VPS13B: variants seen among roughly 807,000 people sequenced by gnomAD.
VPS13B encodes intermembrane lipid transfer protein VPS13B.
VPS13B carries 285 observed loss-of-function variants against 426.4 expected under a neutral mutation model. That is an observed-to-expected ratio of 0.67 (90% confidence interval 0.61 to 0.74). The LOEUF is 0.74. VPS13B is among the 30% of genes least tolerant of loss of function. The probability of loss-of-function intolerance (pLI) is 0.00; values close to 1 mark genes in which losing one functional copy is unlikely to be tolerated. For missense variants in VPS13B, 4,537 were observed against 4,782.6 expected, an observed-to-expected ratio of 0.95 and a Z score of 1.51; for synonymous variants, 1,676 against 1,676.4, an observed-to-expected ratio of 1.00 and a Z score of 0.01.
intron 35 of VPS13B, among the ~76,000 whole-genome samples, chr8:99,663,198 G>T (rs944647392): frequency 2.0e-5 from 3 of 152,188 alleles, no homozygotes; most frequent in Non-Finnish European, 4.4e-5. Context: ...GCGTGCTAGT[G>T]TACTTATGAT....
At chr8:99,421,547 G>A (rs1304537415) in intron 21 of VPS13B, among the ~76,000 whole-genome samples, 1 of 152,122 alleles carries the variant, frequency 6.6e-6, no homozygotes, top group East Asian at 1.9e-4. Context: ...TTACATCCTT[G>A]TTTTGCCACT....
chr8:99,086,462 CAA>C (rs1845809473), intron 3 of VPS13B, among the ~76,000 whole-genome samples: 1 of 152,182 alleles, frequency 6.6e-6, no homozygotes, highest in African/African-American at 2.4e-5. Flanking sequence ...CTCAAATCGT[CAA>C]AGTCATTGTC....
chr8:99,557,034 T>C (rs993126944), intron 31 of VPS13B, among the ~76,000 whole-genome samples: 1 of 152,178 alleles, frequency 6.6e-6, no homozygotes, highest in African/African-American at 2.4e-5. Flanking sequence ...ATGAATACTC[T>C]GCAAAGTTAT....
intron 17 of VPS13B, chr8:99,233,373 G>T (rs1359930739): frequency 4.7e-6 from 5 of 1,068,270 alleles, no homozygotes; most frequent in Non-Finnish European, 5.8e-6. Context: ...GTTTCCCGAA[G>T]ATCCGTCCCT....
rs576742825 is a variant in VPS13B, at chr8:99,328,386, G to A, written c.2824+53132G>A. 2.0e-5 allele frequency among the ~76,000 whole-genome samples: 3 copies of A among 152,224 alleles called. No individual in the cohort carries two copies. In the South Asian group the frequency reaches 6.2e-4, roughly 32 times the overall value. On this transcript the variant is annotated intron_variant, in intron 19 of 61. Transcript: ENST00000357162. ...TGTGGGAGTTTTAAAAAAATTCTGT[G>A]GGAACTATTACTTTTGTGTTTGGTG...
Position 99,478,489 on chromosome 8 carries a change from C to T in VPS13B, c.3667-3110C>T, listed in dbSNP as rs191510243. On this transcript the variant is annotated intron_variant, in intron 24 of 61. Coordinates refer to ENST00000357162, the MANE Select transcript of VPS13B (RefSeq NM_152564.5). Reference sequence around the variant, plus strand: ...TTGTTTTTTGTTTTTTTTTTTTTGCCGAGGCAGGTGTGCAATGGTGTGGTC... The same window carrying T: ...TTGTTTTTTGTTTTTTTTTTTTTGCTGAGGCAGGTGTGCAATGGTGTGGTC... Among the ~76,000 whole-genome samples the T allele has an allele frequency of 5.8e-3, 704 of 122,172 alleles. 5 individuals carry two copies. Among genetic ancestry groups the T allele is most frequent in the Non-Finnish European group, 7.4e-3 (453 of 61,022 alleles). 80.1% of individuals were successfully genotyped at this position (122,172 alleles called of 152,430 possible). A position where few individuals can be genotyped will look rare whatever the true frequency, so the allele number is the denominator to read the frequency against.
intron 16 of VPS13B, among the ~76,000 whole-genome samples, chr8:99,182,697 G>A (rs1813007262): frequency 6.6e-6 from 1 of 152,120 alleles, no homozygotes; most frequent in Non-Finnish European, 1.5e-5. Context: ...TGTGGAGAAG[G>A]AGTTACAAAT....
intron 39 of VPS13B, among the ~76,000 whole-genome samples, chr8:99,745,062 T>G (rs566806828): frequency 6.6e-6 from 1 of 152,290 alleles, no homozygotes; most frequent in East Asian, 1.9e-4. Context: ...ATGGCCCTTT[T>G]TGTTTTAGCT....
At chr8:99,088,119 G>C (rs1588020728) in intron 3 of VPS13B, among the ~76,000 whole-genome samples, 1 of 151,278 alleles carries the variant, frequency 6.6e-6, no homozygotes, top group Admixed American at 6.6e-5. Context: ...CCGAGGCAGA[G>C]GTTGCAGTGA....
At chr8:99,211,007 C>T (rs1261135891) in intron 17 of VPS13B, among the ~76,000 whole-genome samples, 1 of 152,132 alleles carries the variant, frequency 6.6e-6, no homozygotes, top group Non-Finnish European at 1.5e-5. Context: ...ATGACTGAGA[C>T]GCAGGAGGTG....
At chr8:99,805,543 A>C (rs1813356976) in intron 43 of VPS13B, among the ~76,000 whole-genome samples, 1 of 152,172 alleles carries the variant, frequency 6.6e-6, no homozygotes, top group Admixed American at 6.5e-5. Context: ...CTCAGGGCTG[A>C]TCCCCAATTC....
intron 21 of VPS13B, among the ~76,000 whole-genome samples, chr8:99,409,621 C>A (rs1815513827): frequency 6.6e-6 from 1 of 152,032 alleles, no homozygotes; most frequent in South Asian, 2.1e-4. Flanking sequence ...CTTTGGATTG[C>A]AAAGACCCCC....
At chr8:99,427,941 A>G (rs1203455657) in intron 21 of VPS13B, among the ~76,000 whole-genome samples, 2 of 152,176 alleles carry the variant, frequency 1.3e-5, no homozygotes, top group Non-Finnish European at 2.9e-5. Context: ...AAACAGAGAT[A>G]TAGAGCAATG....
intron 33 of VPS13B, among the ~76,000 whole-genome samples, chr8:99,578,893 G>T (rs1588513208): frequency 6.6e-6 from 1 of 152,128 alleles, no homozygotes; most frequent in Middle Eastern, 3.4e-3. Flanking sequence ...CTCTTAGGGG[G>T]ATCAATTTCA....
chr8:99,454,030 C>T (rs933559808), intron 23 of VPS13B, among the ~76,000 whole-genome samples: 2 of 152,168 alleles, frequency 1.3e-5, no homozygotes, highest in African/African-American at 2.4e-5. Context: ...ACTCATTTCT[C>T]AGCCCTTGCA....
chr8:99,478,311 T>C (rs1284304850), intron 24 of VPS13B, among the ~76,000 whole-genome samples: 2 of 151,770 alleles, frequency 1.3e-5, no homozygotes, highest in Non-Finnish European at 2.9e-5. Flanking sequence ...GCTGTTATGT[T>C]GATCAGTTTG....
rs796900322 is a variant in VPS13B at position 99,187,993 on chromosome 8, C to CAGAGAG, written c.2334-4878_2334-4877insGAGAGA. Among the ~76,000 whole-genome samples the CAGAGAG allele has an allele frequency of 4.9e-4, 73 of 149,364 alleles. 1 individual carries two copies. Among genetic ancestry groups the CAGAGAG allele is most frequent in the Middle Eastern group, 3.6e-3 (1 of 280 alleles). Reference sequence around the variant, plus strand: ...AAAGAGAGAGAGAGAGTGACGGAGACAGAGACAGAGACAGACAGAGGCAGG... The same window carrying CAGAGAG: ...AAAGAGAGAGAGAGAGTGACGGAGACAGAGAGAGAGACAGAGACAGACAGAGGCAGG... On this transcript the variant is annotated intron_variant, in intron 16 of 61. Transcript: ENST00000357162.
chr8:99,040,919 A>G (rs749845502), intron 3 of VPS13B, among the ~76,000 whole-genome samples: 2 of 152,170 alleles, frequency 1.3e-5, no homozygotes, highest in Non-Finnish European at 2.9e-5. Context: ...TTGTTTGTGA[A>G]GGTCAATTTA....
intron 17 of VPS13B, among the ~76,000 whole-genome samples, chr8:99,262,974 C>G (rs1818126823): frequency 6.6e-6 from 1 of 152,006 alleles, no homozygotes; most frequent in African/African-American, 2.4e-5. Flanking sequence ...GGGGTCCCAT[C>G]ATGTAGCCCA....
Sources: allele counts gnomAD v4.1 joint callset (sites outside exome capture counted in the v4.1 genomes callset), GRCh38; gene constraint gnomAD v4.1.1; transcripts MANE v1.5; gene names NCBI Gene and HGNC (gene_info 2026-07-23, HGNC 2026-07-21).